The following C12orf42 variants were observed in gnomAD, a reference collection of about 807,000 sequenced individuals.
C12orf42 encodes the protein uncharacterized protein C12orf42.
A neutral mutation model predicts 21.6 loss-of-function variants in C12orf42; 25 were observed. The observed-to-expected ratio is 1.16, with a 90% CI of 0.84 to 1.62. The LOEUF is 1.62. C12orf42 is among the 40% of genes most tolerant of loss of function. The probability of loss-of-function intolerance (pLI) is 0.00; values close to 1 mark genes in which losing one functional copy is unlikely to be tolerated. For synonymous variants in C12orf42, 174 were observed against 175.0 expected, an observed-to-expected ratio of 0.99 and a Z score of 0.05; for missense variants, 483 against 459.3, an observed-to-expected ratio of 1.05 and a Z score of -0.47.
chr12:103,080,295 T>G, the C12orf42 span, among the ~76,000 whole-genome samples: 1 of 152,170 alleles, frequency 6.6e-6, no homozygotes, highest in Non-Finnish European at 1.5e-5. Context: ...CAGGACATAG[T>G]TATGGCTATG....
At chr12:103,314,260 A>G (rs551596397) in intron 4 of C12orf42, among the ~76,000 whole-genome samples, 3 of 152,030 alleles carry the variant, frequency 2.0e-5, no homozygotes, top group East Asian at 1.9e-4. Flanking sequence ...AGGTGTTGGG[A>G]TGTTGCACAA....
At chr12:103,331,540 C>T (rs10778232) in intron 4 of C12orf42, among the ~76,000 whole-genome samples, 74,257 of 151,976 alleles carry the variant, frequency 0.49, 20,779 homozygotes, top group African/African-American at 0.76. Context: ...ACATTAATTC[C>T]CACACACTGT....
At chr12:103,086,549 G>A in the C12orf42 span, among the ~76,000 whole-genome samples, 4 of 150,086 alleles carry the variant, frequency 2.7e-5, no homozygotes, top group Non-Finnish European at 3.0e-5. Context: ...TGTCCTGGTT[G>A]GGTAGAAAAT....
At chr12:103,478,078 GAAAT>G in intron 2 of C12orf42, 1 of 329,188 alleles carries the variant, frequency 3.0e-6, no homozygotes, top group Non-Finnish European at 5.5e-6. Context: ...AGTAACATAA[GAAAT>G]AAATAATAGC....
chr12:103,058,325 GT>G, the C12orf42 span, among the ~76,000 whole-genome samples: 1 of 152,002 alleles, frequency 6.6e-6, no homozygotes, highest in East Asian at 1.9e-4. Context: ...GGGGTTGTTT[GT>G]TTTTTTCTTG....
At chr12:103,250,111 G>T (rs2034225878) in intron 10 of C12orf42, among the ~76,000 whole-genome samples, 1 of 149,936 alleles carries the variant, frequency 6.7e-6, no homozygotes, top group Non-Finnish European at 1.5e-5. Flanking sequence ...ATCTATGTTT[G>T]ATTTTCTAAA....
chr12:103,067,962 G>T, the C12orf42 span, among the ~76,000 whole-genome samples: 1 of 152,144 alleles, frequency 6.6e-6, no homozygotes, highest in Non-Finnish European at 1.5e-5. Flanking sequence ...TGTGATTAAG[G>T]TCAATGGGAA....
At chr12:103,193,015 T>C in the C12orf42 span, among the ~76,000 whole-genome samples, 1 of 151,998 alleles carries the variant, frequency 6.6e-6, no homozygotes, top group East Asian at 1.9e-4. Context: ...TTAACAAATT[T>C]TAAAAGATTG....
intron 10 of C12orf42, among the ~76,000 whole-genome samples, chr12:103,254,302 C>T (rs555557064): frequency 3.9e-5 from 6 of 152,122 alleles, no homozygotes; most frequent in Non-Finnish European, 7.4e-5. Context: ...ACATTCAGCA[C>T]ATGTATCCCA....
the C12orf42 span, chr12:103,504,189 C>A: frequency 6.5e-6 from 1 of 153,144 alleles, no homozygotes. Context: ...GCCATAACCC[C>A]TGGAATAAGA....
At chr12:103,270,532 AT>A (rs916391303) in intron 5 of C12orf42, among the ~76,000 whole-genome samples, 3 of 149,256 alleles carry the variant, frequency 2.0e-5, no homozygotes, top group Non-Finnish European at 4.5e-5. Context: ...TTTTATTTTT[AT>A]TTTTTTAAGA....
At chr12:103,557,879 A>G in the C12orf42 span, 1 of 152,224 alleles carries the variant, frequency 6.6e-6, no homozygotes. Flanking sequence ...TGTCTTCTTT[A>G]AGAATTCATT....
the C12orf42 span, chr12:103,163,005 T>C: frequency 6.6e-6 from 1 of 152,234 alleles, no homozygotes; most frequent in East Asian, 1.9e-4. Context: ...AATCCATTTC[T>C]ATTGAAGGAG....
chr12:103,431,948 A>G (rs988857223), intron 2 of C12orf42, among the ~76,000 whole-genome samples: 1 of 152,186 alleles, frequency 6.6e-6, no homozygotes, highest in African/African-American at 2.4e-5. Flanking sequence ...TAGCGCAGGA[A>G]TGAAAGGAGT....
chr12:103,535,221 G>A, the C12orf42 span, among the ~76,000 whole-genome samples: 1 of 152,162 alleles, frequency 6.6e-6, no homozygotes, highest in Non-Finnish European at 1.5e-5. Flanking sequence ...TAATAAAGGG[G>A]AAGAAAAGTT....
the C12orf42 span, among the ~76,000 whole-genome samples, chr12:103,180,020 G>A: frequency 1.3e-5 from 2 of 152,080 alleles, no homozygotes; most frequent in African/African-American, 2.4e-5. Context: ...ACAAATTCTG[G>A]TGCCTCCTGG....
chr12:103,482,060 C>A (rs1224353157), intron 1 of C12orf42, among the ~76,000 whole-genome samples: 1 of 152,076 alleles, frequency 6.6e-6, no homozygotes, highest in African/African-American at 2.4e-5. Context: ...AATTGCTGTT[C>A]TTTTCCCCCA....
the C12orf42 span, among the ~76,000 whole-genome samples, chr12:103,140,236 C>T: frequency 6.6e-6 from 1 of 152,282 alleles, no homozygotes; most frequent in African/African-American, 2.4e-5. Flanking sequence ...GCTAAAAACA[C>T]ACTGGCTTCT....
chr12:103,302,265 C>T lies in C12orf42; in HGVS notation c.926G>A (p.Gly309Glu). ...ACCGGCCAGCAGAGGAAGGGGCGCT[C>T]CTGCCAGATTGCCATGGAGGGAGGT... ...ADTSLHGNLAGAPLPLLAGAS... is the reference protein window; with the variant it reads ...ADTSLHGNLAEAPLPLLAGAS... The change falls in exon 6 of 6, where the codon GGA (glycine) becomes GAA (glutamate). Residue 309 changes from glycine to glutamate, a missense_variant. Transcript: ENST00000548883. The T allele has an allele frequency of 6.2e-7, 1 of 1,612,248 alleles. No homozygotes were observed. Among genetic ancestry groups the T allele is most frequent in the Non-Finnish European group, 8.5e-7 (1 of 1,178,882 alleles).
Sources: allele counts gnomAD v4.1 joint callset (sites outside exome capture counted in the v4.1 genomes callset), GRCh38; gene constraint gnomAD v4.1.1; transcripts MANE v1.5; gene names NCBI Gene and HGNC (gene_info 2026-07-23, HGNC 2026-07-21).